The following TOM1L2 variants were observed in gnomAD, a reference collection of about 807,000 sequenced individuals.
TOM1L2 encodes target of myb1 like 2 membrane trafficking protein.
Under a neutral mutation model 67.9 loss-of-function variants are expected in TOM1L2, and 31 were observed. That is an observed-to-expected ratio of 0.46 (90% confidence interval 0.34 to 0.62). The LOEUF is 0.62. Among genes scored for constraint, TOM1L2 ranks in the 20% least tolerant of loss-of-function variants. TOM1L2 has a pLI of 0.01. For missense variants in TOM1L2, 606 were observed against 663.5 expected (o/e 0.91, Z 0.95); for synonymous variants, 256 against 254.0 (o/e 1.01, Z -0.07).
chr17:17,895,199 A>G (rs1485263645), intron 3 of TOM1L2, among the ~76,000 whole-genome samples: 1 of 152,114 alleles, frequency 6.6e-6, no homozygotes, highest in Admixed American at 6.5e-5. Flanking sequence ...TGTGTAAACC[A>G]ACCCATAGGA....
intron 1 of TOM1L2, among the ~76,000 whole-genome samples, chr17:17,951,304 A>G (rs2041198191): frequency 6.6e-6 from 1 of 152,206 alleles, no homozygotes; most frequent in African/African-American, 2.4e-5. Context: ...CATAAGATTT[A>G]GAGGAAACAG....
intron 1 of TOM1L2, among the ~76,000 whole-genome samples, chr17:17,932,885 C>A (rs1025783173): frequency 6.6e-6 from 1 of 152,124 alleles, no homozygotes; most frequent in Non-Finnish European, 1.5e-5. Context: ...TGATGTGGGG[C>A]CCAGAAATCT....
rs776322417 is a variant in TOM1L2, at chr17:17,972,340, G to C, written c.-27C>G. 22 of 1,549,060 alleles carry C rather than the reference G, an allele frequency of 1.4e-5. No homozygotes were observed. Among genetic ancestry groups the C allele is most frequent in the Non-Finnish European group, 1.9e-5 (22 of 1,146,994 alleles). On this transcript the variant is annotated 5_prime_UTR_variant, in exon 1 of 15. Transcript: ENST00000379504. ...TTGGGTGGACAACACGCAGCGGCCC[G>C]GGCCCCCTGTCTGCCACCTAGGCCT...
intron 1 of TOM1L2, among the ~76,000 whole-genome samples, chr17:17,942,730 T>C (rs1181204189): frequency 2.0e-5 from 3 of 152,192 alleles, no homozygotes; most frequent in South Asian, 2.1e-4. Flanking sequence ...ACTGTTCTTA[T>C]TGTCATTACA....
At chr17:17,949,137 T>G (rs2144873534) in intron 1 of TOM1L2, among the ~76,000 whole-genome samples, 1 of 152,288 alleles carries the variant, frequency 6.6e-6, no homozygotes, top group Non-Finnish European at 1.5e-5. Flanking sequence ...CATGCGTTTC[T>G]CACACAGGAG....
At chr17:17,924,689 C>G (rs908196476) in intron 1 of TOM1L2, among the ~76,000 whole-genome samples, 1 of 152,068 alleles carries the variant, frequency 6.6e-6, no homozygotes, top group South Asian at 2.1e-4. Context: ...TGCTTCAGCA[C>G]GGAAGACTGA....
chr17:17,952,376 CTT>C (rs60388742), intron 1 of TOM1L2, among the ~76,000 whole-genome samples: 40 of 79,860 alleles, frequency 5.0e-4, no homozygotes, highest in Admixed American at 7.3e-4. Context: ...TCTTTATTTT[CTT>C]TTTTTTTTTT....
intron 1 of TOM1L2, among the ~76,000 whole-genome samples, chr17:17,956,275 C>T (rs1337268753): frequency 6.6e-6 from 1 of 152,228 alleles, no homozygotes; most frequent in Non-Finnish European, 1.5e-5. Context: ...CACAAAGATT[C>T]TCCAAGTCCC....
At chr17:17,862,676 C>T in intron 11 of TOM1L2, 55 bp downstream of exon 11, 1 of 1,448,266 alleles carries the variant, frequency 6.9e-7, no homozygotes. Context: ...TGTGACCAGG[C>T]ATGGGTCAAT....
intron 1 of TOM1L2, among the ~76,000 whole-genome samples, chr17:17,922,196 G>A (rs989985720): frequency 6.6e-6 from 1 of 152,212 alleles, no homozygotes; most frequent in Non-Finnish European, 1.5e-5. Flanking sequence ...CAGGGGAGCA[G>A]AGGGGACTGT....
chr17:17,896,926 T>C (rs1399952314), intron 3 of TOM1L2, among the ~76,000 whole-genome samples: 7 of 152,158 alleles, frequency 4.6e-5, no homozygotes, highest in East Asian at 3.9e-4. Flanking sequence ...CGTGAGACCA[T>C]GCAAAGCGCG....
At chr17:17,912,163 C>T (rs79414011) in intron 1 of TOM1L2, among the ~76,000 whole-genome samples, 3 of 152,136 alleles carry the variant, frequency 2.0e-5, no homozygotes, top group Non-Finnish European at 2.9e-5. Context: ...CTCAATGAGC[C>T]GCTGGGCACA....
intron 1 of TOM1L2, among the ~76,000 whole-genome samples, chr17:17,918,152 T>C (rs1020479474): frequency 6.6e-6 from 1 of 152,226 alleles, no homozygotes; most frequent in Admixed American, 6.5e-5. Context: ...AGATTGTTCA[T>C]TGTTAATGTA....
chr17:17,889,422 T>C (rs936081240), intron 4 of TOM1L2, among the ~76,000 whole-genome samples: 6 of 152,144 alleles, frequency 3.9e-5, no homozygotes, highest in African/African-American at 1.4e-4. Flanking sequence ...CACTTCCCTA[T>C]AGGCACAGGG....
At chr17:17,850,807 C>T in intron 13 of TOM1L2, 86 bp downstream of exon 13, 1 of 1,430,558 alleles carries the variant, frequency 7.0e-7, no homozygotes, top group Non-Finnish European at 9.8e-7. Context: ...GGGTGGAGCC[C>T]CTGCTGATGC....
At chr17:17,866,786 G>A in intron 9 of TOM1L2, 90 bp downstream of exon 9, 1 of 1,284,818 alleles carries the variant, frequency 7.8e-7, no homozygotes, top group Non-Finnish European at 1.1e-6. Flanking sequence ...TTCAAAACCA[G>A]TTAGAAAAAC....
chr17:17,956,081 C>T (rs1160618315), intron 1 of TOM1L2, among the ~76,000 whole-genome samples: 2 of 152,162 alleles, frequency 1.3e-5, no homozygotes, highest in Non-Finnish European at 2.9e-5. Context: ...TTTCAAAGAG[C>T]AAAAGAACAA....
chr17:17,867,001 A>G (rs1448766968), intron 8 of TOM1L2, 77 bp from the exon 9 acceptor site: 10 of 1,407,546 alleles, frequency 7.1e-6, no homozygotes, highest in Middle Eastern at 1.9e-4. Context: ...CACTAGTCCT[A>G]TGAAGAATCC....
At chr17:17,890,053 G>A (rs1191108700) in intron 4 of TOM1L2, among the ~76,000 whole-genome samples, 3 of 152,194 alleles carry the variant, frequency 2.0e-5, no homozygotes, top group African/African-American at 7.2e-5. Context: ...CATGGTGGGA[G>A]CAGCACTTTC....
Sources: gnomAD v4.1 joint callset for allele counts (sites outside exome capture counted in the v4.1 genomes callset) on GRCh38, gnomAD v4.1.1 for gene constraint, MANE v1.5 for transcripts, NCBI Gene and HGNC (gene_info 2026-07-23, HGNC 2026-07-21) for gene names.